Variants in GPC5 observed in about 807,000 individuals in gnomAD.
The protein encoded by GPC5 is glypican 5.
In GPC5, 47 loss-of-function variants were observed where a neutral mutation model predicts 53.9. The ratio of observed to expected loss-of-function variants is 0.87; its 90% CI spans 0.69 to 1.11. GPC5 has a LOEUF of 1.11. Ranked by LOEUF, GPC5 falls within the 50% of genes most tolerant of loss-of-function variation. GPC5 has a pLI of 0.00. For synonymous variants in GPC5, 286 were observed against 263.3 expected (o/e 1.09, Z -0.84); for missense variants, 748 against 713.1 (o/e 1.05, Z -0.56).
chr13:92,760,646 C>CTGTT (rs755228727), intron 7 of GPC5, among the ~76,000 whole-genome samples: 1 of 151,230 alleles, frequency 6.6e-6, no homozygotes, highest in Non-Finnish European at 1.5e-5. Flanking sequence ...TTTCTTTCAT[C>CTGTT]TGTTTGATTT....
chr13:91,627,872 A>T (rs2034049141), intron 2 of GPC5, among the ~76,000 whole-genome samples: 1 of 152,164 alleles, frequency 6.6e-6, no homozygotes, highest in African/African-American at 2.4e-5. Flanking sequence ...TCAATGTATT[A>T]CATAATTCTA....
intron 7 of GPC5, among the ~76,000 whole-genome samples, chr13:92,418,634 ATAT>A (rs1876425187): frequency 6.6e-6 from 1 of 152,170 alleles, no homozygotes; most frequent in Non-Finnish European, 1.5e-5. Flanking sequence ...TTGTCTTAAA[ATAT>A]TATCTTTAGC....
intron 5 of GPC5, among the ~76,000 whole-genome samples, chr13:91,887,809 T>A (rs1027428236): frequency 4.6e-5 from 7 of 152,178 alleles, no homozygotes; most frequent in African/African-American, 1.7e-4. Context: ...TCAAAGCCAT[T>A]CAACATGTCT....
intron 2 of GPC5, among the ~76,000 whole-genome samples, chr13:91,685,081 A>G (rs545817133): frequency 6.6e-6 from 1 of 152,236 alleles, no homozygotes; most frequent in Non-Finnish European, 1.5e-5. Flanking sequence ...TGTATCTAAA[A>G]TGGCCAATCT....
At chr13:92,238,889 A>G (rs971187472) in intron 7 of GPC5, among the ~76,000 whole-genome samples, 58 of 151,500 alleles carry the variant, frequency 3.8e-4, no homozygotes, top group African/African-American at 1.3e-3. Flanking sequence ...TTTAGTTCTT[A>G]TATTTAGGTC....
intron 7 of GPC5, among the ~76,000 whole-genome samples, chr13:92,197,615 T>C (rs1399916039): frequency 1.3e-5 from 2 of 151,772 alleles, no homozygotes; most frequent in Non-Finnish European, 2.9e-5. Flanking sequence ...CTCCCATCTC[T>C]TCCTCCCAAG....
chr13:92,349,450 T>G (rs1257776967), intron 7 of GPC5, among the ~76,000 whole-genome samples: 1 of 108,774 alleles, frequency 9.2e-6, no homozygotes, highest in African/African-American at 5.4e-5. Flanking sequence ...AGCCAGGTTT[T>G]TTCTTTTTTT....
intron 7 of GPC5, among the ~76,000 whole-genome samples, chr13:92,547,962 T>C (rs1045313785): frequency 8.6e-5 from 13 of 150,916 alleles, no homozygotes; most frequent in African/African-American, 3.2e-4. Flanking sequence ...CCCGAGGAGC[T>C]GGGACTACAG....
chr13:92,831,924 G>A (rs958837757), intron 7 of GPC5, among the ~76,000 whole-genome samples: 1 of 152,042 alleles, frequency 6.6e-6, no homozygotes, highest in African/African-American at 2.4e-5. Flanking sequence ...ACTCTGATTG[G>A]CCTTGTTTGA....
chr13:91,474,022 T>C (rs980808351), intron 2 of GPC5, among the ~76,000 whole-genome samples: 3 of 152,114 alleles, frequency 2.0e-5, no homozygotes, highest in African/African-American at 7.2e-5. Context: ...TTTGGGGAGG[T>C]TGGAAGTTGA....
chr13:92,660,188 A>G (rs1007176520), intron 7 of GPC5, among the ~76,000 whole-genome samples: 1 of 152,176 alleles, frequency 6.6e-6, no homozygotes, highest in Non-Finnish European at 1.5e-5. Flanking sequence ...TACCTATAGT[A>G]CATTTTGTTT....
At chr13:92,366,164 T>C (rs2043606125) in intron 7 of GPC5, among the ~76,000 whole-genome samples, 1 of 151,746 alleles carries the variant, frequency 6.6e-6, no homozygotes, top group South Asian at 2.1e-4. Flanking sequence ...TATGATTGTA[T>C]GTGGCCACTG....
chr13:92,705,864 T>TTGGTTGAGCTGAGGAGTTTAA (rs1887932930), intron 7 of GPC5: 1 of 151,646 alleles, frequency 6.6e-6, no homozygotes, highest in African/African-American at 2.4e-5. Flanking sequence ...GGCAGGAGGA[T>TTGGTTGAGCTGAGGAGTTTAA]TGGTTGAGCT....
At chr13:92,089,690 T>C (rs2041364060) in intron 6 of GPC5, among the ~76,000 whole-genome samples, 1 of 152,150 alleles carries the variant, frequency 6.6e-6, no homozygotes, top group Non-Finnish European at 1.5e-5. Context: ...AATCATTTTT[T>C]CAGGAACCTA....
At chr13:92,632,316 T>G (rs1885265720) in intron 7 of GPC5, among the ~76,000 whole-genome samples, 1 of 151,494 alleles carries the variant, frequency 6.6e-6, no homozygotes, top group African/African-American at 2.4e-5. Context: ...TGGCATTTGA[T>G]TTTCTAATAG....
At chr13:92,088,183 T>G (rs1237574119) in intron 6 of GPC5, among the ~76,000 whole-genome samples, 1 of 152,162 alleles carries the variant, frequency 6.6e-6, no homozygotes, top group African/African-American at 2.4e-5. Flanking sequence ...GTACAGTAGC[T>G]TCTATCCTAA....
At chr13:91,438,579 G>A (rs1339747848) in intron 1 of GPC5, among the ~76,000 whole-genome samples, 1 of 152,206 alleles carries the variant, frequency 6.6e-6, no homozygotes, top group Admixed American at 6.5e-5. Flanking sequence ...CTACTGGGTG[G>A]TGCCTCCCAG....
At chr13:91,445,441 G>A (rs1483689945) in intron 1 of GPC5, among the ~76,000 whole-genome samples, 1 of 152,086 alleles carries the variant, frequency 6.6e-6, no homozygotes, top group Non-Finnish European at 1.5e-5. Context: ...GTGCTACTCA[G>A]AACAGCAAGC....
chr13:91,895,084 G>C (rs2039426954), intron 5 of GPC5, among the ~76,000 whole-genome samples: 1 of 150,072 alleles, frequency 6.7e-6, no homozygotes, highest in Admixed American at 6.6e-5. Context: ...CTACAAAAAA[G>C]AGAGAAGGTC....
Sources: gnomAD v4.1 joint callset for allele counts (sites outside exome capture counted in the v4.1 genomes callset) on GRCh38, gnomAD v4.1.1 for gene constraint, MANE v1.5 for transcripts, NCBI Gene and HGNC (gene_info 2026-07-23, HGNC 2026-07-21) for gene names.